The following CEP112 variants were observed in gnomAD, a reference collection of about 807,000 sequenced individuals.
CEP112 encodes the protein centrosomal protein of 112 kDa.
Under a neutral mutation model 153.0 loss-of-function variants are expected in CEP112, and 127 were observed. The ratio of observed to expected loss-of-function variants is 0.83; its 90% CI spans 0.72 to 0.96. CEP112 has a LOEUF of 0.96. Among genes scored for constraint, CEP112 ranks in the 40% least tolerant of loss-of-function variants. CEP112 has a pLI of 0.00. For missense variants in CEP112, 1,089 were observed against 1,101.2 expected, an observed-to-expected ratio of 0.99 and a Z score of 0.16; for synonymous variants, 358 against 374.4, an observed-to-expected ratio of 0.96 and a Z score of 0.51.
At chr17:65,678,338 T>C (rs2089338910) in intron 24 of CEP112, among the ~76,000 whole-genome samples, 1 of 152,212 alleles carries the variant, frequency 6.6e-6, no homozygotes, top group Non-Finnish European at 1.5e-5. Context: ...TTGATAATTC[T>C]ATTCTGCTTG....
At position 66,064,218 on chromosome 17, in the gene CEP112, C is replaced by T. The variant is rs542705285; in HGVS notation, c.956-1137G>A. ...TTTTTATCCACAGGGCATAACAGTG[C>T]CACACAGGCAAGTGCTCAAAAAGAC... is the stretch of plus-strand genomic sequence containing the variant. On this transcript the variant is annotated intron_variant, in intron 10 of 26. Transcript: ENST00000535342. 3.5e-3 allele frequency among the ~76,000 whole-genome samples: 534 copies of T among 152,236 alleles called. 2 individuals are homozygous for T. Among genetic ancestry groups the T allele is most frequent in the African/African-American group, 0.012 (499 of 41,536 alleles).
chr17:65,904,863 T>C (rs1400158841), intron 19 of CEP112, among the ~76,000 whole-genome samples: 3 of 152,242 alleles, frequency 2.0e-5, no homozygotes, highest in Non-Finnish European at 4.4e-5. Flanking sequence ...AAGGATTCTC[T>C]ATTAAATAAA....
At chr17:65,716,976 T>G (rs1024962866) in intron 23 of CEP112, among the ~76,000 whole-genome samples, 2 of 152,216 alleles carry the variant, frequency 1.3e-5, no homozygotes, top group African/African-American at 4.8e-5. Context: ...TGCCATCCCC[T>G]TTAAATATGA....
chr17:65,769,578 T>C (rs894371536), intron 21 of CEP112, among the ~76,000 whole-genome samples: 3 of 152,082 alleles, frequency 2.0e-5, no homozygotes, highest in African/African-American at 7.2e-5. Context: ...CCTAGACTAA[T>C]AGAACAGTAT....
chr17:65,858,381 AATTAT>A (rs2058195775), intron 20 of CEP112, among the ~76,000 whole-genome samples: 1 of 152,070 alleles, frequency 6.6e-6, no homozygotes, highest in Non-Finnish European at 1.5e-5. Context: ...AAATTTGCTT[AATTAT>A]ATTAGATTAT....
chr17:65,768,331 G>A (rs1395098831), intron 21 of CEP112, among the ~76,000 whole-genome samples: 3 of 151,982 alleles, frequency 2.0e-5, no homozygotes, highest in Admixed American at 6.6e-5. Flanking sequence ...TGTTGAGTAG[G>A]CTGAGAAGAA....
At chr17:65,659,263 C>T (rs9889486) in intron 24 of CEP112, among the ~76,000 whole-genome samples, 83,272 of 151,928 alleles carry the variant, frequency 0.55, 23,586 homozygotes, top group East Asian at 0.76. Flanking sequence ...TTCAAAATAT[C>T]TGATTTAGAC....
At chr17:66,046,578 T>A (rs962103067) in intron 12 of CEP112, among the ~76,000 whole-genome samples, 1 of 152,204 alleles carries the variant, frequency 6.6e-6, no homozygotes, top group Admixed American at 6.5e-5. Context: ...TTAAATCACA[T>A]TTTTTACCTA....
intron 15 of CEP112, 95 bp downstream of exon 15, chr17:66,028,218 T>G: frequency 1.4e-6 from 1 of 718,912 alleles, no homozygotes; most frequent in Non-Finnish European, 2.4e-6. Context: ...CCTGCATTTC[T>G]GAGTTTTATT....
intron 24 of CEP112, among the ~76,000 whole-genome samples, chr17:65,679,911 C>T (rs1288310315): frequency 6.6e-6 from 1 of 152,166 alleles, no homozygotes; most frequent in African/African-American, 2.4e-5. Flanking sequence ...CTTCCAGAGT[C>T]GTCTAATATT....
At chr17:65,861,985 A>G (rs2058324984) in intron 20 of CEP112, among the ~76,000 whole-genome samples, 1 of 152,234 alleles carries the variant, frequency 6.6e-6, no homozygotes. Flanking sequence ...ATCTTGATAC[A>G]ATGGAATATT....
intron 23 of CEP112, among the ~76,000 whole-genome samples, chr17:65,725,900 C>T (rs1028502900): frequency 1.3e-5 from 2 of 152,104 alleles, no homozygotes; most frequent in Non-Finnish European, 2.9e-5. Context: ...TATGGGAGTA[C>T]ATGATGAGAT....
chr17:66,026,699 G>A (rs12453621), intron 16 of CEP112, among the ~76,000 whole-genome samples: 62,460 of 151,984 alleles, frequency 0.41, 14,296 homozygotes, highest in East Asian at 0.87. Flanking sequence ...AAATGGTGTA[G>A]TATTTGCATA....
intron 24 of CEP112, among the ~76,000 whole-genome samples, chr17:65,677,974 G>T (rs2047318084): frequency 6.6e-6 from 1 of 152,052 alleles, no homozygotes; most frequent in African/African-American, 2.4e-5. Flanking sequence ...ATAAACAATT[G>T]CAATTGCTTC....
Position 65,743,119 on chromosome 17 carries a change from C to T in CEP112, c.2556G>A (p.Lys852=), listed in dbSNP as rs372871158. 350 of 1,612,330 alleles carry T rather than the reference C, an allele frequency of 2.2e-4. No individual in the cohort carries two copies. Among genetic ancestry groups the T allele is most frequent in the Non-Finnish European group, 2.7e-4 (322 of 1,179,420 alleles). ...AERRLQDVRQ[K]FEDEKKQLIR... ...TCAGCTGCTTCTTCTCATCTTCAAA[C>T]TTTTGTCTAACATCCTGGAGCCGCC... Residue 852 remains lysine, a synonymous_variant, in exon 23 of 27, where the codon AAG becomes AAA. Coordinates refer to ENST00000535342, the MANE Select transcript of CEP112 (RefSeq NM_001199165.4).
At chr17:65,903,535 TA>T (rs1285806193) in intron 19 of CEP112, among the ~76,000 whole-genome samples, 1 of 152,110 alleles carries the variant, frequency 6.6e-6, no homozygotes, top group Non-Finnish European at 1.5e-5. Flanking sequence ...TTATTGTGAT[TA>T]AAGAGTAGCG....
chr17:66,078,629 G>A lies in CEP112; in HGVS notation c.769-8628C>T, dbSNP rs759944432. 3.7e-4 allele frequency among the ~76,000 whole-genome samples: 56 copies of A among 152,056 alleles called. 1 individual carries two copies. The highest frequency in any genetic ancestry group is 4.6e-4 in the Non-Finnish European group (31 of 67,996). On this transcript the variant is annotated intron_variant, in intron 8 of 26. Coordinates refer to ENST00000535342, the MANE Select transcript of CEP112 (RefSeq NM_001199165.4). Reference sequence around the variant, plus strand: ...TAGTATTGAAATGTGAGGTACCATTGCATTCATCATGCTCTTTGTTGCCTG... The same window carrying A: ...TAGTATTGAAATGTGAGGTACCATTACATTCATCATGCTCTTTGTTGCCTG...
At chr17:65,883,656 C>T (rs1187180515) in intron 20 of CEP112, among the ~76,000 whole-genome samples, 3 of 152,154 alleles carry the variant, frequency 2.0e-5, no homozygotes, top group African/African-American at 4.8e-5. Context: ...CGTGAGCCAC[C>T]GTGCCCAGCC....
At chr17:65,828,865 A>T (rs2056958205) in intron 21 of CEP112, among the ~76,000 whole-genome samples, 1 of 151,610 alleles carries the variant, frequency 6.6e-6, no homozygotes, top group Admixed American at 6.6e-5. Flanking sequence ...TGAGATTAAT[A>T]TGTTTTTAGA....
Sources: allele counts gnomAD v4.1 joint callset (sites outside exome capture counted in the v4.1 genomes callset), GRCh38; gene constraint gnomAD v4.1.1; transcripts MANE v1.5; gene names NCBI Gene and HGNC (gene_info 2026-07-23, HGNC 2026-07-21).